Variants in CHN1 observed in about 807,000 individuals in gnomAD.
CHN1 encodes the protein chimerin 1, also known as N-chimaerin.
In CHN1, 37 loss-of-function variants were observed where a neutral mutation model predicts 59.5. That is an observed-to-expected ratio of 0.62 (90% CI 0.48 to 0.82). The LOEUF is 0.82. CHN1 is among the 40% of genes least tolerant of loss of function. The pLI is 0.00. For synonymous variants in CHN1, 206 were observed against 200.4 expected (o/e 1.03, Z -0.24); for missense variants, 469 against 571.0 (o/e 0.82, Z 1.82).
In CHN1 at chr2:174,834,148, T is replaced by C. The variant is rs945673346; in HGVS notation, c.628-9630A>G. Among the ~76,000 whole-genome samples the C allele has an allele frequency of 7.9e-5, 12 of 152,210 alleles. 1 individual carries two copies. The highest frequency in any genetic ancestry group is 2.7e-4 in the African/African-American group (11 of 41,444). Reference sequence around the variant, plus strand: ...ACTTACAGTCTACCTCCAAATAGTATACCACTTTATGTAATGCCCAAGAAT... The same window carrying C: ...ACTTACAGTCTACCTCCAAATAGTACACCACTTTATGTAATGCCCAAGAAT... On this transcript the variant is annotated intron_variant, in intron 7 of 12. Transcript: ENST00000409900.
intron 2 of CHN1, among the ~76,000 whole-genome samples, chr2:174,947,432 T>G (rs1574199473): frequency 6.6e-6 from 1 of 152,104 alleles, no homozygotes; most frequent in East Asian, 1.9e-4. Context: ...GCCTCCTGAT[T>G]GGCTACCAGT....
intron 7 of CHN1, chr2:174,846,372 C>T: frequency 6.5e-7 from 1 of 1,548,766 alleles, no homozygotes; most frequent in Non-Finnish European, 8.7e-7. Flanking sequence ...GCAGCATCAA[C>T]AGTCCCATGG....
rs922531863 is a variant in CHN1, at chr2:174,830,238, A to G, written c.628-5720T>C. On this transcript the variant is annotated intron_variant, in intron 7 of 12. Transcript: ENST00000409900. ...ACAGAGCAAGACTCTGTCTCAAAAA[A>G]AAATAAAAAATAAAAAAATCATACC... is the stretch of plus-strand genomic sequence containing the variant. Among the ~76,000 whole-genome samples, 171 of 151,042 alleles carry G rather than the reference A, an allele frequency of 1.1e-3. 1 individual carries two copies. Among genetic ancestry groups the G allele is most frequent in the Non-Finnish European group, 2.1e-4 (14 of 67,998 alleles).
At chr2:174,931,856 C>G (rs1362570045) in intron 3 of CHN1, among the ~76,000 whole-genome samples, 1 of 152,060 alleles carries the variant, frequency 6.6e-6, no homozygotes, top group Non-Finnish European at 1.5e-5. Flanking sequence ...AGCGGGAGGG[C>G]TGAGAAAGGA....
chr2:174,826,797 C>T (rs1460517191), intron 7 of CHN1, among the ~76,000 whole-genome samples: 3 of 152,230 alleles, frequency 2.0e-5, no homozygotes, highest in East Asian at 1.9e-4. Context: ...TTTAACTGTC[C>T]GAGCAGACCC....
intron 6 of CHN1, among the ~76,000 whole-genome samples, chr2:174,851,226 G>C (rs1250071854): frequency 6.6e-6 from 1 of 152,176 alleles, no homozygotes; most frequent in Non-Finnish European, 1.5e-5. Context: ...AACATTAACA[G>C]TATCTACCTT....
At chr2:175,003,628 A>G (rs1482320269) in intron 1 of CHN1, among the ~76,000 whole-genome samples, 2 of 152,236 alleles carry the variant, frequency 1.3e-5, no homozygotes, top group Non-Finnish European at 2.9e-5. Flanking sequence ...GGTACTGAGA[A>G]ACAGCGAGAA....
chr2:174,996,791 ACT>A (rs1271625203), intron 1 of CHN1, among the ~76,000 whole-genome samples: 1 of 151,760 alleles, frequency 6.6e-6, no homozygotes, highest in Non-Finnish European at 1.5e-5. Flanking sequence ...CCCCTTGCTG[ACT>A]CCACTCCAGC....
chr2:174,840,372 C>T (rs971792355), intron 7 of CHN1, among the ~76,000 whole-genome samples: 1 of 151,826 alleles, frequency 6.6e-6, no homozygotes, highest in Admixed American at 6.6e-5. Flanking sequence ...CTCTATGTTG[C>T]CCAGGCTGGT....
In CHN1 at chr2:174,831,292, A is replaced by G. The variant is rs1685871094; in HGVS notation, c.628-6774T>C. Among the ~76,000 whole-genome samples the G allele has an allele frequency of 2.6e-5, 4 of 152,356 alleles. No homozygotes were observed. The South Asian group carries it at 8.3e-4, about 32-fold the overall frequency. On this transcript the variant is annotated intron_variant, in intron 7 of 12. Coordinates refer to ENST00000409900, the MANE Select transcript of CHN1 (RefSeq NM_001822.7). Reference sequence around the variant, plus strand: ...TTATGGTTTCCTTTATGATCCATACATTCCCAATCACCGCTATGTTTTTGA... The same window carrying G: ...TTATGGTTTCCTTTATGATCCATACGTTCCCAATCACCGCTATGTTTTTGA...
intron 5 of CHN1, among the ~76,000 whole-genome samples, chr2:174,914,841 TCAAAAA>T (rs796571854): frequency 3.2e-3 from 157 of 49,650 alleles, no homozygotes; most frequent in Middle Eastern, 0.015. Context: ...GAGATTCCAT[TCAAAAA>T]AAAAAAAAAA....
At chr2:174,885,291 A>T (rs116081886) in intron 5 of CHN1, among the ~76,000 whole-genome samples, 12,317 of 149,632 alleles carry the variant, frequency 0.082, 621 homozygotes, top group African/African-American at 0.14. Context: ...AAGAAAAAAA[A>T]ATATATATAT....
At chr2:174,864,749 A>G (rs1402869346) in intron 6 of CHN1, among the ~76,000 whole-genome samples, 1 of 152,130 alleles carries the variant, frequency 6.6e-6, no homozygotes, top group East Asian at 1.9e-4. Flanking sequence ...CTGTAGTACC[A>G]GTACTTCAGA....
At chr2:174,896,168 G>T (rs757313894) in intron 5 of CHN1, among the ~76,000 whole-genome samples, 22 of 151,858 alleles carry the variant, frequency 1.4e-4, no homozygotes, top group Non-Finnish European at 2.1e-4. Flanking sequence ...TTCATTATAA[G>T]CCCCAGTATA....
At chr2:174,828,484 T>C (rs572506926) in intron 7 of CHN1, among the ~76,000 whole-genome samples, 1 of 152,346 alleles carries the variant, frequency 6.6e-6, no homozygotes, top group African/African-American at 2.4e-5. Flanking sequence ...AAAAAATCAA[T>C]TGCACAAATT....
intron 5 of CHN1, among the ~76,000 whole-genome samples, chr2:174,902,545 T>C (rs1010597040): frequency 1.1e-4 from 16 of 152,300 alleles, no homozygotes; most frequent in Middle Eastern, 3.4e-3. Context: ...CATAAAATGA[T>C]TCATAATCTA....
intron 1 of CHN1, among the ~76,000 whole-genome samples, chr2:174,959,201 T>C (rs534675132): frequency 6.6e-6 from 1 of 152,360 alleles, no homozygotes; most frequent in South Asian, 2.1e-4. Flanking sequence ...ATTAGCTATA[T>C]ATACCATAAG....
chr2:174,810,024 TA>T (rs1015109559), intron 10 of CHN1, among the ~76,000 whole-genome samples: 2 of 152,240 alleles, frequency 1.3e-5, no homozygotes, highest in African/African-American at 4.8e-5. Flanking sequence ...CCTTGGCTCT[TA>T]AATGAGTTCA....
chr2:174,999,792 A>G (rs1317290818), intron 1 of CHN1, among the ~76,000 whole-genome samples: 1 of 152,224 alleles, frequency 6.6e-6, no homozygotes, highest in Non-Finnish European at 1.5e-5. Context: ...AACAGGCCTA[A>G]AAGGCCGGGA....
Sources: gnomAD v4.1 joint callset for allele counts (sites outside exome capture counted in the v4.1 genomes callset) on GRCh38, gnomAD v4.1.1 for gene constraint, MANE v1.5 for transcripts, NCBI Gene and HGNC (gene_info 2026-07-23, HGNC 2026-07-21) for gene names.